The following CHN2 variants were observed in gnomAD, a reference collection of about 807,000 sequenced individuals.
CHN2 encodes the protein chimerin 2.
Under a neutral mutation model 56.3 loss-of-function variants are expected in CHN2, and 35 were observed. That is an observed-to-expected ratio of 0.62 (90% CI 0.47 to 0.82). The LOEUF is 0.82. Ranked by LOEUF, CHN2 falls within the 40% of genes least tolerant of loss-of-function variation. The probability of loss-of-function intolerance (pLI) is 0.00; values close to 1 mark genes in which losing one functional copy is unlikely to be tolerated. For synonymous variants in CHN2, 210 were observed against 212.8 expected (o/e 0.99, Z 0.12); for missense variants, 491 against 580.5 (o/e 0.85, Z 1.58).
At chr7:29,507,147 ATTT>A (rs11388362) in intron 10 of CHN2, 78 bp from the exon 11 acceptor site, 22 of 1,004,086 alleles carry the variant, frequency 2.2e-5, no homozygotes, top group Admixed American at 2.9e-5. Flanking sequence ...TCATCGCTGG[ATTT>A]TTTTTTTTTT....
At chr7:29,243,960 C>T (rs751644634) in intron 1 of CHN2, among the ~76,000 whole-genome samples, 6 of 152,220 alleles carry the variant, frequency 3.9e-5, no homozygotes, top group Admixed American at 6.5e-5. Context: ...GAAGTTGCCC[C>T]TGTAACAGCA....
intron 6 of CHN2, among the ~76,000 whole-genome samples, chr7:29,431,836 A>G (rs1782879912): frequency 6.6e-6 from 1 of 152,184 alleles, no homozygotes; most frequent in Non-Finnish European, 1.5e-5. Context: ...TTTCCAACAA[A>G]GAACTCTCTT....
intron 1 of CHN2, among the ~76,000 whole-genome samples, chr7:29,298,125 T>C (rs1020094921): frequency 2.6e-5 from 4 of 152,190 alleles, no homozygotes; most frequent in Non-Finnish European, 4.4e-5. Flanking sequence ...ATAAGAATTA[T>C]TTGCTCTCAC....
At chr7:29,258,219 A>G (rs768640919) in intron 1 of CHN2, among the ~76,000 whole-genome samples, 4 of 152,204 alleles carry the variant, frequency 2.6e-5, no homozygotes, top group Non-Finnish European at 2.9e-5. Context: ...AGGAGTTGCT[A>G]GAGCAACAGG....
intron 2 of CHN2, among the ~76,000 whole-genome samples, chr7:29,356,220 T>A (rs956027256): frequency 6.6e-6 from 1 of 152,144 alleles, no homozygotes; most frequent in Non-Finnish European, 1.5e-5. Flanking sequence ...GTCCAAGACT[T>A]GTCCATTCTA....
intron 4 of CHN2, among the ~76,000 whole-genome samples, chr7:29,395,374 T>C (rs538044511): frequency 3.6e-4 from 55 of 152,164 alleles, no homozygotes; most frequent in African/African-American, 1.1e-3. Context: ...AATACAAATA[T>C]TACCTAGGCA....
rs563324965 is a variant in CHN2 at position 29,423,180 on chromosome 7, C to T, written c.576+22352C>T. 1.2e-4 allele frequency among the ~76,000 whole-genome samples: 18 copies of T among 152,302 alleles called. No individual in the cohort carries two copies. The East Asian group carries it at 1.7e-3, about 15-fold the overall frequency. ...CAGGGTGGAGAAAAGAAGGAAATGA[C>T]GGGGACGTTTATTTCATGCTTATGT... On this transcript the variant is annotated intron_variant, in intron 6 of 12. Coordinates refer to ENST00000222792, the MANE Select transcript of CHN2 (RefSeq NM_004067.4).
chr7:29,180,037 C>T (rs1209404742), intron 2 of CHN2, among the ~76,000 whole-genome samples: 2 of 152,090 alleles, frequency 1.3e-5, no homozygotes, highest in Admixed American at 6.5e-5. Flanking sequence ...ATAAGATGTC[C>T]TTTCATCAAT....
intron 1 of CHN2, among the ~76,000 whole-genome samples, chr7:29,270,902 A>G (rs1324290173): frequency 6.6e-6 from 1 of 152,000 alleles, no homozygotes; most frequent in East Asian, 1.9e-4. Flanking sequence ...TGTAATATGT[A>G]TTTGCATTTA....
chr7:29,479,908 A>T, intron 6 of CHN2: 1 of 1,429,236 alleles, frequency 7.0e-7, no homozygotes, highest in Non-Finnish European at 9.1e-7. Context: ...AAATAGCACA[A>T]AACAGGCCCA....
intron 1 of CHN2, among the ~76,000 whole-genome samples, chr7:29,233,134 C>T (rs948471573): frequency 2.6e-5 from 4 of 152,212 alleles, no homozygotes; most frequent in African/African-American, 9.6e-5. Context: ...GTTTAAACTG[C>T]ACCTTGCCAC....
At chr7:29,258,763 G>T (rs1048967923) in intron 1 of CHN2, among the ~76,000 whole-genome samples, 1 of 152,208 alleles carries the variant, frequency 6.6e-6, no homozygotes, top group Non-Finnish European at 1.5e-5. Context: ...AGAGAAATCA[G>T]AACTTTATTT....
intron 3 of CHN2, among the ~76,000 whole-genome samples, chr7:29,389,144 C>T (rs7797836): frequency 0.88 from 132,993 of 151,482 alleles, 58,723 homozygotes; most frequent in Non-Finnish European, 0.93. Context: ...TTGGGAATGT[C>T]TCTTCTAATA....
At chr7:29,450,488 C>T (rs866741370) in intron 6 of CHN2, among the ~76,000 whole-genome samples, 5 of 152,116 alleles carry the variant, frequency 3.3e-5, no homozygotes, top group South Asian at 2.1e-4. Flanking sequence ...GGAAGTGGAG[C>T]AGAGAAGGAT....
At chr7:29,246,555 G>A (rs1156571379) in intron 1 of CHN2, among the ~76,000 whole-genome samples, 4 of 152,188 alleles carry the variant, frequency 2.6e-5, no homozygotes, top group African/African-American at 7.2e-5. Flanking sequence ...GCACCTGCTT[G>A]CAGGTGCTAT....
intron 7 of CHN2, among the ~76,000 whole-genome samples, chr7:29,482,794 T>C: frequency 8.4e-6 from 1 of 118,842 alleles, no homozygotes; most frequent in African/African-American, 3.2e-5. Context: ...TCTGCACTTT[T>C]TTCTTTTTTT....
chr7:29,190,470 C>G (rs1562817683), upstream of CHN2, among the ~76,000 whole-genome samples: 2 of 152,156 alleles, frequency 1.3e-5, no homozygotes. Context: ...CCACGTTCAC[C>G]CTGCAGTGCT....
intron 2 of CHN2, among the ~76,000 whole-genome samples, chr7:29,357,045 C>A (rs1798370263): frequency 6.6e-6 from 1 of 152,162 alleles, no homozygotes; most frequent in African/African-American, 2.4e-5. Flanking sequence ...TTCTAAGAGA[C>A]CTTGGGCCAC....
At chr7:29,256,847 G>T (rs1789119568) in intron 1 of CHN2, among the ~76,000 whole-genome samples, 1 of 152,136 alleles carries the variant, frequency 6.6e-6, no homozygotes, top group Non-Finnish European at 1.5e-5. Context: ...TACCTACAGG[G>T]CCCTCTGTTA....
Sources: gnomAD v4.1 joint callset for allele counts (sites outside exome capture counted in the v4.1 genomes callset) on GRCh38, gnomAD v4.1.1 for gene constraint, MANE v1.5 for transcripts, NCBI Gene and HGNC (gene_info 2026-07-23, HGNC 2026-07-21) for gene names.